The following LRMDA variants were observed in gnomAD, a reference collection of about 807,000 sequenced individuals.
LRMDA encodes the protein leucine-rich melanocyte differentiation-associated protein.
A neutral mutation model predicts 29.8 loss-of-function variants in LRMDA; 18 were observed. The observed-to-expected ratio is 0.60, with a 90% CI of 0.42 to 0.90. The LOEUF is 0.90. LRMDA is among the 40% of genes least tolerant of loss of function. The pLI is 0.00. For missense variants in LRMDA, 273 were observed against 273.9 expected, an observed-to-expected ratio of 1.00 and a Z score of 0.02; for synonymous variants, 125 against 109.4, an observed-to-expected ratio of 1.14 and a Z score of -0.89.
intron 2 of LRMDA, 87 bp from the exon 3 acceptor site, chr10:76,035,921 A>G (rs1848234515): frequency 1.3e-6 from 2 of 1,510,368 alleles, no homozygotes; most frequent in South Asian, 1.3e-5. Context: ...CAGTCCTGAA[A>G]GGGAAGGTTA....
intron 2 of LRMDA, among the ~76,000 whole-genome samples, chr10:75,690,758 G>A (rs2132160144): frequency 6.6e-6 from 1 of 151,844 alleles, no homozygotes; most frequent in East Asian, 2.0e-4. Flanking sequence ...AAGAGCTCAA[G>A]ACCAGCCTGG....
intron 2 of LRMDA, among the ~76,000 whole-genome samples, chr10:75,572,356 A>G (rs888181889): frequency 6.6e-6 from 1 of 150,440 alleles, no homozygotes; most frequent in African/African-American, 2.4e-5. Context: ...TTTTTTCTTC[A>G]GTGCAGTTAT....
At chr10:76,416,784 C>T (rs1476933856) in intron 6 of LRMDA, among the ~76,000 whole-genome samples, 2 of 152,184 alleles carry the variant, frequency 1.3e-5, no homozygotes, top group Admixed American at 6.5e-5. Context: ...CACTTCATCT[C>T]CCCAGTGCTC....
intron 2 of LRMDA, among the ~76,000 whole-genome samples, chr10:75,989,981 C>A (rs1231475023): frequency 6.6e-6 from 1 of 152,186 alleles, no homozygotes; most frequent in Non-Finnish European, 1.5e-5. Flanking sequence ...ACAGGCCGGC[C>A]TCCTTAGGCC....
chr10:75,523,006 C>T (rs1461695195), intron 2 of LRMDA, among the ~76,000 whole-genome samples: 1 of 152,212 alleles, frequency 6.6e-6, no homozygotes, highest in Admixed American at 6.5e-5. Flanking sequence ...CCTGGCCTGG[C>T]CCCAGCTTTG....
At chr10:76,009,444 C>T (rs549800587) in intron 2 of LRMDA, among the ~76,000 whole-genome samples, 49 of 152,162 alleles carry the variant, frequency 3.2e-4, no homozygotes, top group Non-Finnish European at 6.8e-4. Context: ...TCTTAAAATT[C>T]GAAGCTAGGG....
chr10:76,436,871 G>A (rs1004057639), intron 6 of LRMDA, among the ~76,000 whole-genome samples: 1 of 152,106 alleles, frequency 6.6e-6, no homozygotes, highest in Non-Finnish European at 1.5e-5. Context: ...AGGTGGATGG[G>A]GCTTTGTTAG....
chr10:76,303,671 C>A (rs527828480), intron 5 of LRMDA, among the ~76,000 whole-genome samples: 1 of 151,474 alleles, frequency 6.6e-6, no homozygotes, highest in Admixed American at 6.6e-5. Flanking sequence ...CAAATCTTCA[C>A]CGAGCTGGAT....
chr10:75,540,731 G>T (rs946678794), intron 2 of LRMDA, among the ~76,000 whole-genome samples: 1 of 152,158 alleles, frequency 6.6e-6, no homozygotes, highest in Non-Finnish European at 1.5e-5. Flanking sequence ...GTAATTAGTT[G>T]TGTATGTGAT....
intron 2 of LRMDA, among the ~76,000 whole-genome samples, chr10:76,012,039 G>T (rs1847791562): frequency 6.6e-6 from 1 of 152,206 alleles, no homozygotes; most frequent in African/African-American, 2.4e-5. Context: ...CACACTCTAG[G>T]GTTAGGGGCA....
intron 2 of LRMDA, among the ~76,000 whole-genome samples, chr10:75,917,900 G>A (rs935896858): frequency 6.6e-6 from 1 of 152,132 alleles, no homozygotes; most frequent in African/African-American, 2.4e-5. Context: ...ATCCTGCAGG[G>A]AAGGCTCACA....
chr10:76,391,797 C>T (rs562037902), intron 6 of LRMDA, among the ~76,000 whole-genome samples: 2 of 152,196 alleles, frequency 1.3e-5, no homozygotes, highest in Non-Finnish European at 2.9e-5. Context: ...CTTTTATGGT[C>T]ATAAGAAGCT....
chr10:76,062,727 C>T (rs1030676820), intron 5 of LRMDA, among the ~76,000 whole-genome samples: 3 of 149,778 alleles, frequency 2.0e-5, no homozygotes, highest in Non-Finnish European at 4.4e-5. Flanking sequence ...AACAGCTAGG[C>T]TTTGTCATTT....
chr10:75,944,769 T>C (rs1846450621), intron 2 of LRMDA, among the ~76,000 whole-genome samples: 1 of 148,796 alleles, frequency 6.7e-6, no homozygotes, highest in Admixed American at 6.7e-5. Flanking sequence ...AAAATATATA[T>C]GTATATTTTA....
chr10:76,105,198 T>C (rs1413776759), intron 5 of LRMDA, among the ~76,000 whole-genome samples: 2 of 152,154 alleles, frequency 1.3e-5, no homozygotes, highest in African/African-American at 4.8e-5. Context: ...GACTTATATA[T>C]TTATTGACAT....
At chr10:76,191,938 A>G (rs758642125) in intron 5 of LRMDA, among the ~76,000 whole-genome samples, 1 of 152,168 alleles carries the variant, frequency 6.6e-6, no homozygotes, top group Non-Finnish European at 1.5e-5. Context: ...GCAAGAACAC[A>G]TGGGAGGTAC....
chr10:75,575,891 C>T (rs1176308243), intron 2 of LRMDA, among the ~76,000 whole-genome samples: 1 of 152,154 alleles, frequency 6.6e-6, no homozygotes, highest in Non-Finnish European at 1.5e-5. Context: ...ACTCTGGTGC[C>T]CACACCACCA....
At chr10:75,465,601 C>T (rs7085802) in intron 2 of LRMDA, among the ~76,000 whole-genome samples, 11 of 152,184 alleles carry the variant, frequency 7.2e-5, no homozygotes, top group African/African-American at 2.7e-4. Context: ...TTTCAATTAA[C>T]ACCCACTAAA....
chr10:75,770,624 G>T (rs906853297), intron 2 of LRMDA, among the ~76,000 whole-genome samples: 1 of 152,180 alleles, frequency 6.6e-6, no homozygotes, highest in African/African-American at 2.4e-5. Context: ...TATTTTGAAA[G>T]AATTGTGTAA....
Sources: gnomAD v4.1 joint callset for allele counts (sites outside exome capture counted in the v4.1 genomes callset) on GRCh38, gnomAD v4.1.1 for gene constraint, MANE v1.5 for transcripts, NCBI Gene and HGNC (gene_info 2026-07-23, HGNC 2026-07-21) for gene names.